Variants in CORO1B observed in about 807,000 individuals in gnomAD.
CORO1B encodes coronin 1B, also known as coronin-1B.
A neutral mutation model predicts 51.1 loss-of-function variants in CORO1B; 30 were observed. The observed-to-expected ratio is 0.59, with a 90% confidence interval of 0.44 to 0.80. The LOEUF (loss-of-function observed/expected upper bound fraction) is 0.80, where lower values mean the gene tolerates loss of function less well. Ranked by LOEUF, CORO1B falls within the 30% of genes least tolerant of loss-of-function variation. The probability of loss-of-function intolerance (pLI) is 0.00; values close to 1 mark genes in which losing one functional copy is unlikely to be tolerated. For missense variants in CORO1B, 648 were observed against 700.4 expected (o/e 0.93, Z 0.84); for synonymous variants, 310 against 289.7 (o/e 1.07, Z -0.71).
rs1864421062 is a variant in CORO1B, at chr11:67,442,595, ATTTGCTCTGCCGGACCAC to A, written c.16_33del (p.Val6_Lys11del). 1 of 1,613,610 alleles carries A rather than the reference ATTTGCTCTGCCGGACCAC, an allele frequency of 6.2e-7. No individual in the cohort carries two copies. The highest frequency in any genetic ancestry group is 1.7e-5 in the Admixed American group (1 of 59,994). On this transcript the variant is annotated inframe_deletion, in exon 2 of 11. Transcript: ENST00000341356. The stretch of plus-strand genomic sequence containing the variant: ...ACCGGCTGCCCGAACACATGCCGGA[ATTTGCTCTGCCGGACCAC>A]TTTGCGGAAGGACATGTCTGCGGGA...
chr11:67,443,748 C>T, upstream of CORO1B: 3 of 985,276 alleles, frequency 3.0e-6, no homozygotes, highest in Non-Finnish European at 3.6e-6. Context: ...CGGGTGCAGC[C>T]TTACAGCGGA....
rs545641837 is a variant in CORO1B at position 67,441,231 on chromosome 11, G to C, written c.650C>G (p.Ala217Gly). The change falls in exon 6 of 11, where the codon GCT (alanine) becomes GGT (glycine). Residue 217 changes from alanine (A) to glycine (G), a missense_variant. Physicochemically the swap from Ala to Gly is moderately conservative, Grantham distance 60 (BLOSUM62 0). Coordinates refer to ENST00000341356, the MANE Select transcript of CORO1B (RefSeq NM_020441.3). The stretch of plus-strand genomic sequence containing the variant: ...CCGCATGGGCCGGGCCCCCTCATGA[G>C]CCTTCTCCCGCTCCTGTCGGGGGGA... ...RGTLVAEREK[A>G]HEGARPMRAI... is the part of the protein sequence containing the mutation. 207 of 1,613,142 alleles carry C rather than the reference G, an allele frequency of 1.3e-4. 2 individuals are homozygous for C. The South Asian group carries it at 2.0e-3, about 16-fold the overall frequency.
rs1864311241 is a variant in CORO1B at position 67,437,515 on chromosome 11, TG to T, written c.*860del. The T allele has an allele frequency of 3.2e-6, 4 of 1,268,224 alleles. No individual in the cohort carries two copies. The highest frequency in any genetic ancestry group is 6.1e-5 in the Admixed American group (2 of 32,658). The allele number at this position is 1,268,224 out of a possible 1,614,324, so 78.6% of individuals were successfully genotyped here. On this transcript the variant is annotated 3_prime_UTR_variant, in exon 11 of 11. Transcript: ENST00000341356. ...CTCCTCTTAGGTCTCACCTCTTCCC[TG>T]GGGCCAATGTGGGGCCCTCCTTAGC...
intron 9 of CORO1B, among the ~76,000 whole-genome samples, chr11:67,439,582 C>G (rs1322928649): frequency 6.6e-6 from 1 of 152,202 alleles, no homozygotes; most frequent in Non-Finnish European, 1.5e-5. Flanking sequence ...AGGGCCCCTG[C>G]TCACCCTCTG....
rs761146436 is a variant in CORO1B, at chr11:67,442,457, C to T, written c.172G>A (p.Gly58Ser). The T allele has an allele frequency of 6.2e-7, 1 of 1,613,406 alleles. No homozygotes were observed. The stretch of plus-strand genomic sequence containing the variant: ...CTTAGGGGGAGCACCAGAAAGGCAC[C>T]CCCTCCACTGGCCTCCACAATCACC... Reference protein sequence around the residue: ...LAVIVEASGGGAFLVLPLSKT... With the variant: ...LAVIVEASGGSAFLVLPLSKT... The change falls in exon 2 of 11, where the codon GGT (glycine) becomes AGT (serine). Residue 58 changes from glycine (G) to serine (S), a missense_variant. By Grantham distance (56) the Gly-to-Ser change is moderately conservative (BLOSUM62 0). Transcript: ENST00000341356.
At chr11:67,440,962 G>T (rs1409273126) in intron 6 of CORO1B, 163 bp downstream of exon 6, 2 of 976,630 alleles carry the variant, frequency 2.0e-6, no homozygotes, top group East Asian at 5.2e-5. Context: ...AGTCGGGCGA[G>T]CAGGGGGCAG....
At position 67,439,812 on chromosome 11, in the gene CORO1B, G is replaced by C; in HGVS notation, c.1039C>G (p.Pro347Ala). Residue 347 changes from proline (P) to alanine (A), a missense_variant, in exon 9 of 11, where the codon CCC becomes GCC. By Grantham distance (27) the Pro-to-Ala change is conservative. Transcript: ENST00000341356. ...TTTCTTGGCACAGTCATGACGATGG[G>C]CTCACACTTGCGCTCATGCAGTTTG... Reference protein sequence around the residue: ...FYKLHERKCEPIVMTVPRKSD... With the variant: ...FYKLHERKCEAIVMTVPRKSD... 1 of 1,589,380 alleles carries C rather than the reference G, an allele frequency of 6.3e-7. No homozygotes were observed. Among genetic ancestry groups the C allele is most frequent in the East Asian group, 2.3e-5 (1 of 44,078 alleles).
chr11:67,440,372 T>C lies in CORO1B; in HGVS notation c.824A>G (p.Tyr275Cys). ...DSSNGALLPF[Y>C]DPDTSVVYVC... ...GTAGACCACACTGGTGTCGGGGTCGTAGAAGGGCAGCAGGGCCCCGTTGCT... is the reference window on the plus strand; with the variant it reads ...GTAGACCACACTGGTGTCGGGGTCGCAGAAGGGCAGCAGGGCCCCGTTGCT... The change falls in exon 7 of 11, where the codon TAC (tyrosine) becomes TGC (cysteine). Residue 275 changes from tyrosine (Y) to cysteine (C), a missense_variant. Tyr to Cys is a radical substitution (Grantham distance 194, BLOSUM62 -2). Coordinates refer to ENST00000341356, the MANE Select transcript of CORO1B (RefSeq NM_020441.3). 1 of 1,613,806 alleles carries C rather than the reference T, an allele frequency of 6.2e-7. No individual in the cohort carries two copies.
chr11:67,438,913 C>T lies in CORO1B; in HGVS notation c.1102G>A (p.Ala368Thr). ...LFQDDLYPDT[A>T]GPEAALEAEE... is the part of the protein sequence containing the mutation. ...GCCTCCAGGGCTGCCTCGGGCCCGG[C>T]TGTGTCGGGGTACAGATCATCCTGG... Residue 368 changes from alanine to threonine, a missense_variant, in exon 10 of 11, where the codon GCC becomes ACC. By Grantham distance (58) the Ala-to-Thr change is moderately conservative. Transcript: ENST00000341356. 1 of 1,609,366 alleles carries T rather than the reference C, an allele frequency of 6.2e-7. No homozygotes were observed.
chr11:67,441,018 C>A, intron 6 of CORO1B, 107 bp downstream of exon 6: 1 of 1,546,538 alleles, frequency 6.5e-7, no homozygotes, highest in Non-Finnish European at 8.9e-7. Flanking sequence ...GCCTCAAGTT[C>A]CAGGCAGAGA....
rs750666505 is a variant in CORO1B at position 67,440,128 on chromosome 11, C to T, written c.997G>A (p.Glu333Lys). 23 of 1,611,544 alleles carry T rather than the reference C, an allele frequency of 1.4e-5. No homozygotes were observed. Among genetic ancestry groups the T allele is most frequent in the Admixed American group, 5.0e-5 (3 of 59,812 alleles). The change falls in exon 8 of 11, where the codon GAG (glutamate) becomes AAG (lysine). Residue 333 changes from glutamate to lysine, a missense_variant. By Grantham distance (56) the Glu-to-Lys change is moderately conservative (BLOSUM62 1). Transcript: ENST00000341356. ...PKRGLEVSKC[E>K]IARFYKLHER... ...CGGTAGCCCTCTTACCGGGCGATCTCGCACTTGCTGACCTCCAGGCCCCGC... is the reference window on the plus strand; with the variant it reads ...CGGTAGCCCTCTTACCGGGCGATCTTGCACTTGCTGACCTCCAGGCCCCGC...
At chr11:67,443,709 C>G (rs1590988985), upstream of CORO1B, 2 of 984,428 alleles carry the variant, frequency 2.0e-6, no homozygotes, top group Non-Finnish European at 1.2e-6. Context: ...GCAGGGCCGA[C>G]GGCGGCCGCC....
chr11:67,442,172 C>A, intron 2 of CORO1B, 84 bp from the exon 3 acceptor site: 2 of 1,569,156 alleles, frequency 1.3e-6, no homozygotes, highest in Non-Finnish European at 8.6e-7. Context: ...ATGACATGCA[C>A]GTCCCGGCTC....
chr11:67,440,104 G>T lies in CORO1B; in HGVS notation c.1007+14C>A. On this transcript the variant is annotated intron_variant, in intron 8 of 10. Coordinates refer to ENST00000341356, the MANE Select transcript of CORO1B (RefSeq NM_020441.3). ...GATGCCCCTATCCCCGAGTGGCCTC[G>T]GTAGCCCTCTTACCGGGCGATCTCG... 6.2e-7 allele frequency: 1 copy of T among 1,602,932 alleles called. No individual in the cohort carries two copies. The highest frequency in any genetic ancestry group is 8.5e-7 in the Non-Finnish European group (1 of 1,174,060).
upstream of CORO1B, chr11:67,443,528 G>A (rs1489806044): frequency 9.4e-6 from 8 of 854,148 alleles, no homozygotes; most frequent in Non-Finnish European, 1.1e-5. Flanking sequence ...GCGGGGCAGG[G>A]GCTCGCGGGG....
chr11:67,440,324 C>T lies in CORO1B; in HGVS notation c.861+11G>A, dbSNP rs1244635260. 1 of 1,613,318 alleles carries T rather than the reference C, an allele frequency of 6.2e-7. No individual in the cohort carries two copies. The highest frequency in any genetic ancestry group is 1.1e-5 in the South Asian group (1 of 91,062). On this transcript the variant is annotated intron_variant, in intron 7 of 10. Coordinates refer to ENST00000341356, the MANE Select transcript of CORO1B (RefSeq NM_020441.3). ...TCTTCCCTGCCCCTCGCCAGCCCTG[C>T]CCAGCCCCACCTTGCCGCAGACGTA...
chr11:67,440,269 T>C lies in CORO1B; in HGVS notation c.862-6A>G. 6.2e-7 allele frequency: 1 copy of C among 1,613,138 alleles called. No individual in the cohort carries two copies. Among genetic ancestry groups the C allele is most frequent in the Non-Finnish European group, 8.5e-7 (1 of 1,179,496 alleles). ...TACCGGATGCTGGAGTCACCCTGTGTGGGGAGGGGGCTCAGCACCTGGGCA... is the reference window on the plus strand; with the variant it reads ...TACCGGATGCTGGAGTCACCCTGTGCGGGGAGGGGGCTCAGCACCTGGGCA... On this transcript the variant is annotated splice_polypyrimidine_tract_variant and splice_region_variant and intron_variant, in intron 7 of 10. Transcript: ENST00000341356.
In CORO1B at chr11:67,438,026, C is replaced by A. The variant is rs937194773; in HGVS notation, c.*350G>T. On this transcript the variant is annotated 3_prime_UTR_variant, in exon 11 of 11. Coordinates refer to ENST00000341356, the MANE Select transcript of CORO1B (RefSeq NM_020441.3). ...AGGTTTCCAGACTTCTCAGCCCCAC[C>A]CTTGCAGCAGCAGGTCAGCCTGGCT... is the stretch of plus-strand genomic sequence containing the variant. 7 of 355,528 alleles carry A rather than the reference C, an allele frequency of 2.0e-5. No homozygotes were observed. Among genetic ancestry groups the A allele is most frequent in the African/African-American group, 1.5e-4 (7 of 47,924 alleles). 22.0% of individuals were successfully genotyped at this position (355,528 alleles called of 1,614,324 possible).
intron 9 of CORO1B, 106 bp from the exon 10 acceptor site, chr11:67,439,055 C>T (rs539897033): frequency 1.2e-5 from 16 of 1,304,542 alleles, no homozygotes; most frequent in African/African-American, 8.8e-5. Flanking sequence ...CATTCTCCCA[C>T]GGCCTGGAAA....
Sources: allele counts gnomAD v4.1 joint callset (sites outside exome capture counted in the v4.1 genomes callset), GRCh38; gene constraint gnomAD v4.1.1; transcripts MANE v1.5; gene names NCBI Gene and HGNC (gene_info 2026-07-23, HGNC 2026-07-21).